Variants in ANO3 observed in about 807,000 individuals in gnomAD.
ANO3 encodes anoctamin-3.
Under a neutral mutation model 144.8 loss-of-function variants are expected in ANO3, and 99 were observed. The ratio of observed to expected loss-of-function variants is 0.68; its 90% CI spans 0.58 to 0.81. ANO3 has a LOEUF of 0.81. Among genes scored for constraint, ANO3 ranks in the 30% least tolerant of loss-of-function variants. The pLI, the probability that ANO3 is intolerant of heterozygous loss-of-function variation, is 0.00. For missense variants in ANO3, 905 were observed against 1,202.2 expected (o/e 0.75, Z 3.66); for synonymous variants, 414 against 392.6 (o/e 1.05, Z -0.64).
chr11:26,654,187 T>TA (rs1356861767), intron 24 of ANO3, among the ~76,000 whole-genome samples: 1 of 152,176 alleles, frequency 6.6e-6, no homozygotes, highest in Non-Finnish European at 1.5e-5. Flanking sequence ...ATTTATCAGT[T>TA]ACCATTTTTT....
chr11:26,246,231 T>C (rs1053050078), intron 1 of ANO3, among the ~76,000 whole-genome samples: 1 of 152,082 alleles, frequency 6.6e-6, no homozygotes, highest in African/African-American at 2.4e-5. Flanking sequence ...TAGGGTTAAT[T>C]TTTAGAAGAA....
intron 1 of ANO3, among the ~76,000 whole-genome samples, chr11:26,422,793 A>G (rs1245735283): frequency 6.6e-6 from 1 of 152,048 alleles, no homozygotes; most frequent in Non-Finnish European, 1.5e-5. Flanking sequence ...TTCCAAGCAA[A>G]GAACACATAC....
At chr11:26,640,599 A>C (rs1434959999) in intron 21 of ANO3, among the ~76,000 whole-genome samples, 1 of 152,208 alleles carries the variant, frequency 6.6e-6, no homozygotes, top group Non-Finnish European at 1.5e-5. Flanking sequence ...AGTATAAAAA[A>C]GTTGTTTCTT....
chr11:26,372,344 A>G (rs932943049), intron 1 of ANO3, among the ~76,000 whole-genome samples: 2 of 151,972 alleles, frequency 1.3e-5, no homozygotes, highest in Non-Finnish European at 2.9e-5. Context: ...AGTCAATTAA[A>G]CCTCTTTGCT....
intron 11 of ANO3, 131 bp from the exon 12 acceptor site, chr11:26,547,285 T>C (rs1434709564): frequency 6.0e-6 from 5 of 840,246 alleles, no homozygotes; most frequent in Middle Eastern, 4.8e-4. Context: ...TTAGATACTT[T>C]AGATGGAGCT....
intron 4 of ANO3, among the ~76,000 whole-genome samples, chr11:26,484,128 A>G (rs539716783): frequency 5.9e-5 from 9 of 152,292 alleles, no homozygotes; most frequent in African/African-American, 2.2e-4. Context: ...TATCCTTATG[A>G]GCAAAGAGAT....
At chr11:26,590,728 C>T (rs61878566) in intron 14 of ANO3, among the ~76,000 whole-genome samples, 4,687 of 152,270 alleles carry the variant, frequency 0.031, 104 homozygotes, top group Non-Finnish European at 0.049. Flanking sequence ...GGATCCAGAG[C>T]GGCAAAGGGC....
intron 12 of ANO3, among the ~76,000 whole-genome samples, chr11:26,548,998 T>C (rs182711817): frequency 6.6e-6 from 1 of 150,718 alleles, no homozygotes; most frequent in East Asian, 2.0e-4. Flanking sequence ...ATATGGGAAA[T>C]GATTCTTCAA....
At chr11:26,554,161 G>C (rs1260484656) in intron 13 of ANO3, among the ~76,000 whole-genome samples, 1 of 152,030 alleles carries the variant, frequency 6.6e-6, no homozygotes, top group Non-Finnish European at 1.5e-5. Flanking sequence ...GTATTTTCTA[G>C]ATTCTTGTGT....
chr11:26,645,217 G>T (rs1244503513), intron 23 of ANO3, among the ~76,000 whole-genome samples: 2 of 58,000 alleles, frequency 3.4e-5, no homozygotes, highest in African/African-American at 8.4e-5. Flanking sequence ...TAAAATTGAG[G>T]TCCAGGATTT....
chr11:26,435,743 A>T lies in ANO3; in HGVS notation c.47-6175A>T, dbSNP rs2134015474. Among the ~76,000 whole-genome samples the T allele has an allele frequency of 1.3e-5, 2 of 152,182 alleles. 1 individual carries two copies. Among genetic ancestry groups the T allele is most frequent in the Middle Eastern group, 6.8e-3 (2 of 294 alleles). On this transcript the variant is annotated intron_variant, in intron 1 of 26. Coordinates refer to ENST00000256737, the MANE Select transcript of ANO3 (RefSeq NM_031418.4). ...GTGTTTTTTTCAGCTCTATTAGATC[A>T]GTTAGGTTCTTTTTTACACCAGCTC...
intron 1 of ANO3, among the ~76,000 whole-genome samples, chr11:26,221,998 C>T (rs1451598811): frequency 6.6e-6 from 1 of 152,122 alleles, no homozygotes; most frequent in Non-Finnish European, 1.5e-5. Flanking sequence ...ATTTTATGTC[C>T]TTCTCACATT....
chr11:26,291,950 T>C (rs1405983945), intron 1 of ANO3, among the ~76,000 whole-genome samples: 3 of 152,206 alleles, frequency 2.0e-5, no homozygotes, highest in African/African-American at 4.8e-5. Context: ...ATTTGAATGT[T>C]GACCTGCCTT....
intron 1 of ANO3, among the ~76,000 whole-genome samples, chr11:26,234,755 T>C (rs1483779899): frequency 6.6e-6 from 1 of 152,088 alleles, no homozygotes; most frequent in African/African-American, 2.4e-5. Context: ...TTAATCTGGG[T>C]TCTTCAGAGA....
At chr11:26,457,899 T>C (rs989516079) in intron 3 of ANO3, among the ~76,000 whole-genome samples, 1 of 152,168 alleles carries the variant, frequency 6.6e-6, no homozygotes, top group African/African-American at 2.4e-5. Flanking sequence ...GTCTTTTTTT[T>C]GTGAAAATCT....
At chr11:26,244,438 A>T (rs973932577) in intron 1 of ANO3, among the ~76,000 whole-genome samples, 17 of 152,140 alleles carry the variant, frequency 1.1e-4, no homozygotes, top group African/African-American at 3.9e-4. Flanking sequence ...TCTTTGGATT[A>T]TTTTTATACC....
At chr11:26,215,432 A>G (rs563580961) in intron 1 of ANO3, among the ~76,000 whole-genome samples, 1 of 151,984 alleles carries the variant, frequency 6.6e-6, no homozygotes, top group South Asian at 2.1e-4. Flanking sequence ...GTCCCTTTGA[A>G]CTGCCACTAT....
intron 1 of ANO3, among the ~76,000 whole-genome samples, chr11:26,367,714 G>T (rs982254617): frequency 1.3e-5 from 2 of 152,110 alleles, no homozygotes. Context: ...AGTTCTGCAG[G>T]CTTTACTGCA....
At chr11:26,419,884 G>T (rs946928561) in intron 1 of ANO3, among the ~76,000 whole-genome samples, 1 of 151,998 alleles carries the variant, frequency 6.6e-6, no homozygotes, top group African/African-American at 2.4e-5. Flanking sequence ...AAGCAAAAAG[G>T]TTAGGATGTA....
Sources: allele counts gnomAD v4.1 joint callset (sites outside exome capture counted in the v4.1 genomes callset), GRCh38; gene constraint gnomAD v4.1.1; transcripts MANE v1.5; gene names NCBI Gene and HGNC (gene_info 2026-07-23, HGNC 2026-07-21).